Variants in RYR2 observed in about 807,000 individuals in gnomAD.
The protein encoded by RYR2 is ryanodine receptor 2.
Under a neutral mutation model 601.1 loss-of-function variants are expected in RYR2, and 227 were observed. The observed-to-expected ratio is 0.38, with a 90% confidence interval of 0.34 to 0.42. RYR2 has a LOEUF of 0.42. Among genes scored for constraint, RYR2 ranks in the 10% least tolerant of loss-of-function variants. RYR2 has a pLI of 1.00. For missense variants in RYR2, 4,646 were observed against 6,156.5 expected (o/e 0.75, Z 8.21); for synonymous variants, 2,223 against 2,175.1 (o/e 1.02, Z -0.61).
At chr1:237,781,051 T>A in intron 88 of RYR2, among the ~76,000 whole-genome samples, 1 of 151,732 alleles carries the variant, frequency 6.6e-6, no homozygotes, top group Non-Finnish European at 1.5e-5. Flanking sequence ...TCGGTACAAA[T>A]ACTTTTTTTT....
intron 30 of RYR2, among the ~76,000 whole-genome samples, chr1:237,590,321 T>A (rs1467826184): frequency 2.0e-5 from 3 of 152,118 alleles, no homozygotes; most frequent in Admixed American, 1.3e-4. Context: ...GGGAACCACA[T>A]CCATTCTCAT....
intron 3 of RYR2, among the ~76,000 whole-genome samples, chr1:237,353,513 A>G (rs78689485): frequency 3.7e-5 from 5 of 134,414 alleles, no homozygotes; most frequent in Non-Finnish European, 1.5e-5. Context: ...CGTCTCAAGA[A>G]AAAAAAAAAA....
intron 95 of RYR2, among the ~76,000 whole-genome samples, chr1:237,794,646 G>C (rs977267322): frequency 6.6e-6 from 1 of 152,112 alleles, no homozygotes; most frequent in Non-Finnish European, 1.5e-5. Context: ...TTTACTATTC[G>C]AGTGAAATCT....
At chr1:237,222,722 G>T (rs961157513) in intron 1 of RYR2, among the ~76,000 whole-genome samples, 1 of 152,012 alleles carries the variant, frequency 6.6e-6, no homozygotes, top group Non-Finnish European at 1.5e-5. Context: ...CAGTAGTACC[G>T]GCATTTTCTA....
chr1:237,671,591 C>G (rs1165216620), intron 58 of RYR2, among the ~76,000 whole-genome samples: 1 of 151,764 alleles, frequency 6.6e-6, no homozygotes, highest in African/African-American at 2.4e-5. Context: ...CTAAAAGAAT[C>G]AGGGCCAAAG....
intron 29 of RYR2, among the ~76,000 whole-genome samples, chr1:237,585,664 T>A (rs1043637113): frequency 6.6e-6 from 1 of 152,206 alleles, no homozygotes; most frequent in African/African-American, 2.4e-5. Flanking sequence ...ATTAAAACCA[T>A]AATTTCAGAA....
intron 80 of RYR2, among the ~76,000 whole-genome samples, chr1:237,746,051 A>G (rs997382665): frequency 2.0e-5 from 3 of 152,152 alleles, no homozygotes; most frequent in Admixed American, 1.3e-4. Flanking sequence ...AGAGATATAT[A>G]TAATTAATTC....
chr1:237,410,175 A>G (rs1455658074), intron 10 of RYR2, among the ~76,000 whole-genome samples: 1 of 152,192 alleles, frequency 6.6e-6, no homozygotes, highest in Non-Finnish European at 1.5e-5. Context: ...TTACTGCACT[A>G]ACCTTGTCAG....
chr1:237,165,371 C>T (rs1052779715), intron 1 of RYR2, among the ~76,000 whole-genome samples: 2 of 152,096 alleles, frequency 1.3e-5, no homozygotes, highest in African/African-American at 4.8e-5. Flanking sequence ...TAGAGGCAAA[C>T]GTTCTTAAAA....
chr1:237,096,559 T>C (rs1385937302), intron 1 of RYR2, among the ~76,000 whole-genome samples: 1 of 152,226 alleles, frequency 6.6e-6, no homozygotes, highest in Non-Finnish European at 1.5e-5. Flanking sequence ...TGGTATATAT[T>C]GGTATATATT....
chr1:237,416,947 A>C, intron 10 of RYR2, 102 bp from the exon 11 acceptor site: 1 of 910,990 alleles, frequency 1.1e-6, no homozygotes, highest in Non-Finnish European at 1.8e-6. Context: ...GTTTACTCAC[A>C]GGCCATTTGC....
chr1:237,640,082 G>T lies in RYR2; in HGVS notation c.7116-815G>T, dbSNP rs912103228. ...CATGAAGGAACCAGGGAGCTCTTAG[G>T]TTCTCTCAGTAGTAGAAAATGTATC... On this transcript the variant is annotated intron_variant, in intron 46 of 104. Transcript: ENST00000366574. Among the ~76,000 whole-genome samples the T allele has an allele frequency of 5.9e-5, 9 of 152,028 alleles. No homozygotes were observed. In the South Asian group the frequency reaches 6.2e-4, roughly 10 times the overall value.
intron 24 of RYR2, 30 bp from the exon 25 acceptor site, chr1:237,530,397 A>T (rs1388999983): frequency 3.0e-5 from 46 of 1,523,330 alleles, no homozygotes; most frequent in Non-Finnish European, 4.2e-5. Flanking sequence ...AGAAGAAATG[A>T]TCACACTTAT....
At chr1:237,589,702 A>T in intron 29 of RYR2, 91 bp from the exon 30 acceptor site, 1 of 1,255,350 alleles carries the variant, frequency 8.0e-7, no homozygotes, top group East Asian at 2.5e-5. Flanking sequence ...GCTCTCACAA[A>T]GTTCGGTCCT....
chr1:237,439,667 G>A (rs1202251873), intron 12 of RYR2, among the ~76,000 whole-genome samples: 4 of 151,580 alleles, frequency 2.6e-5, no homozygotes, highest in Non-Finnish European at 5.9e-5. Flanking sequence ...TCATCATCAC[G>A]ATATTTCACA....
At chr1:237,136,527 C>T (rs57690031) in intron 1 of RYR2, among the ~76,000 whole-genome samples, 1 of 152,194 alleles carries the variant, frequency 6.6e-6, no homozygotes, top group Non-Finnish European at 1.5e-5. Context: ...TCCAGCAGGA[C>T]TCAGACAGGC....
chr1:237,796,056 A>T (rs148736721), intron 96 of RYR2, among the ~76,000 whole-genome samples: 1 of 151,630 alleles, frequency 6.6e-6, no homozygotes, highest in African/African-American at 2.4e-5. Context: ...TTACTTTGTT[A>T]GAAGCAATGT....
chr1:237,221,599 A>G (rs1205737574), intron 1 of RYR2, among the ~76,000 whole-genome samples: 5 of 152,220 alleles, frequency 3.3e-5, no homozygotes, highest in African/African-American at 7.2e-5. Context: ...AGTTAGTCAC[A>G]TGTACTGCAA....
chr1:237,479,828 A>G (rs1404413271), intron 17 of RYR2, among the ~76,000 whole-genome samples: 3 of 152,214 alleles, frequency 2.0e-5, no homozygotes, highest in East Asian at 3.8e-4. Flanking sequence ...CTGGATTTCC[A>G]CAGTTACTCT....
Sources: gnomAD v4.1 joint callset for allele counts (sites outside exome capture counted in the v4.1 genomes callset) on GRCh38, gnomAD v4.1.1 for gene constraint, MANE v1.5 for transcripts, NCBI Gene and HGNC (gene_info 2026-07-23, HGNC 2026-07-21) for gene names.